TRIM37: variants seen among roughly 807,000 people sequenced by gnomAD.
The protein encoded by TRIM37 is tripartite motif containing 37.
Under a neutral mutation model 129.8 loss-of-function variants are expected in TRIM37, and 80 were observed. That is an observed-to-expected ratio of 0.62 (90% confidence interval 0.51 to 0.74). TRIM37 has a LOEUF of 0.74. Among genes scored for constraint, TRIM37 ranks in the 30% least tolerant of loss-of-function variants. TRIM37 has a pLI of 0.00. For synonymous variants in TRIM37, 389 were observed against 387.1 expected (o/e 1.00, Z -0.06); for missense variants, 1,054 against 1,176.5 (o/e 0.90, Z 1.52).
chr17:59,051,982 A>AG (rs1460695645), intron 13 of TRIM37, among the ~76,000 whole-genome samples: 1 of 152,106 alleles, frequency 6.6e-6, no homozygotes, highest in Non-Finnish European at 1.5e-5. Context: ...CCTGCCCCTC[A>AG]GAAAAAAAAT....
At chr17:58,999,754 A>T (rs2033440856) in intron 23 of TRIM37, among the ~76,000 whole-genome samples, 1 of 152,236 alleles carries the variant, frequency 6.6e-6, no homozygotes, top group Non-Finnish European at 1.5e-5. Context: ...GACAGCTTAA[A>T]AAGGGAACAA....
chr17:59,036,693 A>T (rs1033422913), intron 17 of TRIM37, among the ~76,000 whole-genome samples: 1 of 152,254 alleles, frequency 6.6e-6, no homozygotes, highest in African/African-American at 2.4e-5. Flanking sequence ...ATAAAATAAG[A>T]TTATTAAGTA....
chr17:59,046,350 G>T (rs2039794098), intron 16 of TRIM37, among the ~76,000 whole-genome samples: 2 of 152,154 alleles, frequency 1.3e-5, no homozygotes, highest in South Asian at 2.1e-4. Context: ...CAAGTAATGG[G>T]ACATACTGAC....
In TRIM37 at chr17:59,041,052, C is replaced by CA. The variant is rs959941717; in HGVS notation, c.1753+760dup. ...TGGGCGACAGAGCGAGACTCCGTCT[C>CA]AAAAAAAAAAAAAGAATATGCCAGT... On this transcript the variant is annotated intron_variant, in intron 17 of 23. Coordinates refer to ENST00000262294, the MANE Select transcript of TRIM37 (RefSeq NM_015294.6). Among the ~76,000 whole-genome samples, 949 of 118,572 alleles carry CA rather than the reference C, an allele frequency of 8.0e-3. 13 individuals carry two copies. The highest frequency in any genetic ancestry group is 0.027 in the African/African-American group (849 of 31,846). 77.8% of individuals were successfully genotyped at this position (118,572 alleles called of 152,430 possible).
intron 4 of TRIM37, among the ~76,000 whole-genome samples, chr17:59,085,064 C>T (rs758727028): frequency 1.3e-5 from 2 of 152,172 alleles, no homozygotes; most frequent in Non-Finnish European, 2.9e-5. Flanking sequence ...GTGGCTCATG[C>T]CCGCAATCCC....
At chr17:59,036,838 T>G (rs1352025164) in intron 17 of TRIM37, among the ~76,000 whole-genome samples, 1 of 152,004 alleles carries the variant, frequency 6.6e-6, no homozygotes, top group Non-Finnish European at 1.5e-5. Context: ...CCAGGCCAGG[T>G]GTGGTAGCTC....
chr17:58,995,055 T>C (rs539670107), downstream of TRIM37, among the ~76,000 whole-genome samples: 17 of 152,054 alleles, frequency 1.1e-4, no homozygotes, highest in African/African-American at 3.4e-4. Context: ...GGCCATACAT[T>C]TTCTTTTTTT....
At chr17:59,061,129 T>A (rs2041454772) in intron 11 of TRIM37, 21 bp from the exon 12 acceptor site, 2 of 1,606,320 alleles carry the variant, frequency 1.2e-6, no homozygotes, top group Non-Finnish European at 1.7e-6. Context: ...AATAATCAGT[T>A]TGAGTGTAAA....
chr17:59,034,973 T>C (rs1422699923), intron 17 of TRIM37, among the ~76,000 whole-genome samples: 1 of 152,178 alleles, frequency 6.6e-6, no homozygotes, highest in African/African-American at 2.4e-5. Context: ...AGTATGCTCT[T>C]ATGCTCTTCT....
chr17:59,019,014 G>A lies in TRIM37; in HGVS notation c.2258-1590C>T, dbSNP rs141711161. ...AAGAGGGACAATAAGTGTTGCCAAC[G>A]GTATGGAAAACCTGGAGCCCTCATA... On this transcript the variant is annotated intron_variant, in intron 19 of 23. Transcript: ENST00000262294. Among the ~76,000 whole-genome samples, 685 of 152,224 alleles carry A rather than the reference G, an allele frequency of 4.5e-3. 3 individuals carry two copies. Among genetic ancestry groups the A allele is most frequent in the African/African-American group, 0.016 (649 of 41,524 alleles).
At position 59,049,273 on chromosome 17, in the gene TRIM37, CAG is replaced by C; in HGVS notation, c.1433_1434del (p.Ser478Ter). 6.2e-7 allele frequency: 1 copy of C among 1,614,144 alleles called. No individual in the cohort carries two copies. Among genetic ancestry groups the C allele is most frequent in the Non-Finnish European group, 8.5e-7 (1 of 1,180,020 alleles). ...LETRAKKSAC[S>X]DMLLEGGPTT... ...GTAGGACCACCTTCGAGAAGCATGTCAGAGCATGCAGACTTCTTAGCTCGTGT... is the reference window on the plus strand; with the variant it reads ...GTAGGACCACCTTCGAGAAGCATGTCAGCATGCAGACTTCTTAGCTCGTGT... On this transcript the variant is annotated frameshift_variant, in exon 15 of 24. Transcript: ENST00000262294. LOFTEE classifies it high-confidence loss of function.
intron 4 of TRIM37, among the ~76,000 whole-genome samples, chr17:59,087,247 C>G (rs1407867878): frequency 1.3e-5 from 2 of 152,020 alleles, no homozygotes; most frequent in Non-Finnish European, 2.9e-5. Context: ...AGGCGTCCAC[C>G]ACGACGCCCA....
rs748984163 is a variant in TRIM37 at position 59,061,118 on chromosome 17, G to T, written c.943-10C>A. On this transcript the variant is annotated splice_polypyrimidine_tract_variant and intron_variant, in intron 11 of 23. Transcript: ENST00000262294. ...CAACTCCATTTCCATCCTAAAAGAA[G>T]AATAATCAGTTTGAGTGTAAAAAAA... 7.4e-6 allele frequency: 12 copies of T among 1,611,458 alleles called. No homozygotes were observed. The highest frequency in any genetic ancestry group is 5.0e-5 in the Admixed American group (3 of 59,924).
intron 20 of TRIM37, 128 bp downstream of exon 20, chr17:59,017,168 A>G (rs2036049708): frequency 7.9e-7 from 1 of 1,267,012 alleles, no homozygotes; most frequent in Non-Finnish European, 1.1e-6. Context: ...TGTTTCAAAA[A>G]AAGAAACTTT....
At chr17:59,029,061 GA>G (rs952129380) in intron 18 of TRIM37, among the ~76,000 whole-genome samples, 3 of 151,452 alleles carry the variant, frequency 2.0e-5, no homozygotes, top group Non-Finnish European at 2.9e-5. Flanking sequence ...GTTTATAATT[GA>G]AAAAAAAGAC....
intron 17 of TRIM37, among the ~76,000 whole-genome samples, chr17:59,036,416 A>T (rs1177383104): frequency 6.6e-6 from 1 of 151,526 alleles, no homozygotes; most frequent in Non-Finnish European, 1.5e-5. Flanking sequence ...GAATCCAGTG[A>T]GTAGGAAAAA....
At chr17:58,972,873 C>G in the TRIM37 span, 1 of 1,613,044 alleles carries the variant, frequency 6.2e-7, no homozygotes, top group Admixed American at 1.7e-5. Flanking sequence ...GTTGCGTAGT[C>G]TGGTTTGGTG....
the TRIM37 span, among the ~76,000 whole-genome samples, chr17:58,967,792 A>G: frequency 1.4e-5 from 2 of 147,870 alleles, no homozygotes; most frequent in South Asian, 2.1e-4. Flanking sequence ...ACCTGTCAGC[A>G]TTCTTTATTT....
the TRIM37 span, among the ~76,000 whole-genome samples, chr17:58,971,299 C>T: frequency 0.64 from 96,799 of 151,842 alleles, 31,213 homozygotes; most frequent in African/African-American, 0.71. Context: ...ATAGGGAAAA[C>T]GAGAAGTTGT....
Sources: allele counts gnomAD v4.1 joint callset (sites outside exome capture counted in the v4.1 genomes callset), GRCh38; gene constraint gnomAD v4.1.1; transcripts MANE v1.5; gene names NCBI Gene and HGNC (gene_info 2026-07-23, HGNC 2026-07-21).